Variants in NOL4 observed in about 807,000 individuals in gnomAD.
NOL4 encodes nucleolar protein 4.
In NOL4, 17 loss-of-function variants were observed where a neutral mutation model predicts 75.9. The ratio of observed to expected loss-of-function variants is 0.22; its 90% confidence interval spans 0.15 to 0.34. The LOEUF is 0.34. Ranked by LOEUF, NOL4 falls within the 10% of genes least tolerant of loss-of-function variation. The pLI, the probability that NOL4 is intolerant of heterozygous loss-of-function variation, is 1.00. For synonymous variants in NOL4, 292 were observed against 289.9 expected, an observed-to-expected ratio of 1.01 and a Z score of -0.07; for missense variants, 614 against 793.5, an observed-to-expected ratio of 0.77 and a Z score of 2.72.
chr18:33,911,652 T>G (rs1338280237), intron 9 of NOL4, among the ~76,000 whole-genome samples: 1 of 152,124 alleles, frequency 6.6e-6, no homozygotes, highest in Admixed American at 6.6e-5. Flanking sequence ...TGCTTTAAAA[T>G]TTCCTTCTAT....
At chr18:33,865,082 T>C (rs2063368038) in intron 10 of NOL4, among the ~76,000 whole-genome samples, 2 of 152,142 alleles carry the variant, frequency 1.3e-5, no homozygotes, top group African/African-American at 4.8e-5. Context: ...ATCATATCAA[T>C]AGTACCTAGA....
chr18:33,890,808 A>T (rs1404466725), intron 9 of NOL4, among the ~76,000 whole-genome samples: 1 of 152,056 alleles, frequency 6.6e-6, no homozygotes, highest in Non-Finnish European at 1.5e-5. Context: ...AGAGGTAAAT[A>T]ATCACATTAT....
At chr18:33,922,224 C>T (rs953669943) in intron 9 of NOL4, among the ~76,000 whole-genome samples, 2 of 152,200 alleles carry the variant, frequency 1.3e-5, no homozygotes, top group Non-Finnish European at 2.9e-5. Context: ...AAATTCCCTT[C>T]TGCTTACACC....
chr18:34,012,775 A>G (rs2074448661), intron 6 of NOL4, among the ~76,000 whole-genome samples: 3 of 152,022 alleles, frequency 2.0e-5, no homozygotes, highest in African/African-American at 7.2e-5. Context: ...TAATATTTCA[A>G]ATAAGAAAAT....
intron 10 of NOL4, among the ~76,000 whole-genome samples, chr18:33,861,340 A>T (rs1227840367): frequency 2.0e-5 from 3 of 152,086 alleles, no homozygotes; most frequent in African/African-American, 7.2e-5. Context: ...CAGAGATTCA[A>T]CTTCTTCCTG....
intron 2 of NOL4, among the ~76,000 whole-genome samples, chr18:34,105,824 C>T (rs1196619186): frequency 6.6e-6 from 1 of 151,866 alleles, no homozygotes; most frequent in Non-Finnish European, 1.5e-5. Context: ...TTTCTGTGGC[C>T]TATATAGAGC....
chr18:33,857,027 A>G (rs1188966135), intron 10 of NOL4, among the ~76,000 whole-genome samples: 3 of 151,980 alleles, frequency 2.0e-5, no homozygotes. Context: ...TTTTTCAAAT[A>G]CTTTTATCAA....
At chr18:33,956,003 T>G (rs185018555) in intron 8 of NOL4, among the ~76,000 whole-genome samples, 1 of 152,230 alleles carries the variant, frequency 6.6e-6, no homozygotes, top group Admixed American at 6.5e-5. Context: ...CAGAAATACA[T>G]GTATGCACCT....
chr18:33,863,078 A>C (rs1191596001), intron 10 of NOL4, among the ~76,000 whole-genome samples: 5 of 152,240 alleles, frequency 3.3e-5, no homozygotes, highest in African/African-American at 1.2e-4. Context: ...ACACCATGGA[A>C]TACTATGCAG....
chr18:33,909,291 T>A (rs139448167), intron 9 of NOL4, among the ~76,000 whole-genome samples: 2 of 152,166 alleles, frequency 1.3e-5, no homozygotes, highest in African/African-American at 4.8e-5. Flanking sequence ...TTTTACTTTA[T>A]CTGCATAATT....
chr18:34,148,995 G>T (rs763727519), intron 1 of NOL4, among the ~76,000 whole-genome samples: 26 of 151,652 alleles, frequency 1.7e-4, no homozygotes, highest in Non-Finnish European at 3.4e-4. Context: ...TATAAATATA[G>T]GGTTCCTCTG....
At chr18:34,026,372 CT>C (rs1389378322) in intron 5 of NOL4, among the ~76,000 whole-genome samples, 1 of 152,172 alleles carries the variant, frequency 6.6e-6, no homozygotes, top group African/African-American at 2.4e-5. Flanking sequence ...TAAGAAGCCT[CT>C]TTTGTGAATC....
intron 2 of NOL4, chr18:34,121,423 C>T (rs2080135708): frequency 6.6e-6 from 1 of 152,188 alleles, no homozygotes; most frequent in South Asian, 2.1e-4. Context: ...GTTTACCTTT[C>T]TTACACACTG....
chr18:34,036,802 T>A (rs2144738517), intron 5 of NOL4, among the ~76,000 whole-genome samples: 1 of 152,290 alleles, frequency 6.6e-6, no homozygotes, highest in South Asian at 2.1e-4. Context: ...CAAACACCTG[T>A]AATCCCAGCT....
chr18:34,010,566 G>A lies in NOL4; in HGVS notation c.1056+8752C>T, dbSNP rs946370944. Among the ~76,000 whole-genome samples, 7 of 151,874 alleles carry A rather than the reference G, an allele frequency of 4.6e-5. No individual in the cohort carries two copies. The East Asian group carries it at 1.2e-3, about 25-fold the overall frequency. ...ATAACTAACCAGATTATTTACAAAT[G>A]CATGGCAGTGGGGTTGCTGAAATAT... is the stretch of plus-strand genomic sequence containing the variant. On this transcript the variant is annotated intron_variant, in intron 6 of 10. Coordinates refer to ENST00000261592, the MANE Select transcript of NOL4 (RefSeq NM_003787.5).
intron 4 of NOL4, among the ~76,000 whole-genome samples, chr18:34,101,647 C>T (rs2079045941): frequency 6.6e-6 from 1 of 152,066 alleles, no homozygotes; most frequent in Non-Finnish European, 1.5e-5. Context: ...TTGTGGAGCG[C>T]AAACTCCAAA....
At chr18:33,918,937 AG>A (rs1200003274) in intron 9 of NOL4, among the ~76,000 whole-genome samples, 1 of 152,140 alleles carries the variant, frequency 6.6e-6, no homozygotes, top group African/African-American at 2.4e-5. Flanking sequence ...ATAGATAGAT[AG>A]GTTAATAATA....
rs531253582 is a variant in NOL4 at position 34,048,693 on chromosome 18, G to GC, written c.773-29093_773-29092insG. 245 of 732,708 alleles carry GC rather than the reference G, an allele frequency of 3.3e-4. 1 individual carries two copies. In the African/African-American group the frequency reaches 4.5e-3, roughly 13 times the overall value. 45.4% of individuals were successfully genotyped at this position (732,708 alleles called of 1,614,324 possible). On this transcript the variant is annotated intron_variant, in intron 5 of 10. Transcript: ENST00000261592. ...TGAGATGAGCCTTCAAAGACTCAGG[G>GC]AAACATGCACTCAGTCTTCCTCCAG...
chr18:34,176,809 C>A (rs2033591440), intron 1 of NOL4, among the ~76,000 whole-genome samples: 1 of 152,192 alleles, frequency 6.6e-6, no homozygotes, highest in East Asian at 1.9e-4. Flanking sequence ...AAATTAATTT[C>A]TGTTTGTTAA....
Sources: gnomAD v4.1 joint callset for allele counts (sites outside exome capture counted in the v4.1 genomes callset) on GRCh38, gnomAD v4.1.1 for gene constraint, MANE v1.5 for transcripts, NCBI Gene and HGNC (gene_info 2026-07-23, HGNC 2026-07-21) for gene names.